Variants in TNFSF4 observed in about 807,000 individuals in gnomAD.
TNFSF4 encodes the protein TNF superfamily member 4, also known as tumor necrosis factor ligand superfamily member 4.
In TNFSF4, 4 loss-of-function variants were observed where a neutral mutation model predicts 7.3. That is an observed-to-expected ratio of 0.55 (90% CI 0.27 to 1.25). TNFSF4 has a LOEUF of 1.25. Among genes scored for constraint, TNFSF4 ranks in the 50% most tolerant of loss-of-function variants. TNFSF4 has a pLI of 0.12. For missense variants in TNFSF4, 181 were observed against 208.8 expected (o/e 0.87, Z 0.82); for synonymous variants, 76 against 83.7 (o/e 0.91, Z 0.50).
intron 1 of TNFSF4, among the ~76,000 whole-genome samples, chr1:173,202,268 A>G (rs1036680886): frequency 2.0e-5 from 3 of 152,078 alleles, no homozygotes; most frequent in Non-Finnish European, 4.4e-5. Context: ...GTGTGTGTAT[A>G]TTTGGATCTA....
At chr1:173,306,474 T>G in the TNFSF4 span, among the ~76,000 whole-genome samples, 1 of 151,948 alleles carries the variant, frequency 6.6e-6, no homozygotes, top group Non-Finnish European at 1.5e-5. Context: ...AAAGGTAATA[T>G]TTCACCATAC....
At chr1:173,335,064 C>T in the TNFSF4 span, among the ~76,000 whole-genome samples, 2 of 152,060 alleles carry the variant, frequency 1.3e-5, no homozygotes, top group Non-Finnish European at 2.9e-5. Flanking sequence ...TTTATTGATA[C>T]TAGCTCACTA....
chr1:173,396,177 T>G, the TNFSF4 span, among the ~76,000 whole-genome samples: 3 of 152,176 alleles, frequency 2.0e-5, no homozygotes, highest in African/African-American at 7.2e-5. Context: ...TTCTCATTTA[T>G]ACAGTCACAA....
the TNFSF4 span, among the ~76,000 whole-genome samples, chr1:173,378,949 G>A: frequency 6.6e-6 from 1 of 151,516 alleles, no homozygotes; most frequent in Non-Finnish European, 1.5e-5. Context: ...CCCATCCCGA[G>A]TACATGTCCC....
chr1:173,394,216 T>TAAAAAAAA, the TNFSF4 span, among the ~76,000 whole-genome samples: 255 of 112,570 alleles, frequency 2.3e-3, 3 homozygotes, highest in African/African-American at 8.8e-3. Flanking sequence ...ACTCCATCTT[T>TAAAAAAAA]AAAAAAAAAA....
At chr1:173,353,660 AAAG>A in the TNFSF4 span, among the ~76,000 whole-genome samples, 1 of 152,236 alleles carries the variant, frequency 6.6e-6, no homozygotes, top group Non-Finnish European at 1.5e-5. Context: ...CATGTTAGAC[AAAG>A]CAACTCTCTT....
the TNFSF4 span, among the ~76,000 whole-genome samples, chr1:173,427,337 G>C: frequency 1.3e-5 from 2 of 152,248 alleles, no homozygotes; most frequent in Admixed American, 1.3e-4. Flanking sequence ...TGTCACAACT[G>C]GGGAGTGGCT....
chr1:173,281,087 G>T, the TNFSF4 span, among the ~76,000 whole-genome samples: 3 of 152,084 alleles, frequency 2.0e-5, no homozygotes, highest in Admixed American at 6.6e-5. Flanking sequence ...ATCCTGTTGT[G>T]GTTCATAAGC....
the TNFSF4 span, among the ~76,000 whole-genome samples, chr1:173,296,032 A>T: frequency 3.3e-5 from 5 of 152,140 alleles, no homozygotes; most frequent in South Asian, 8.3e-4. Context: ...CATAATACAC[A>T]TTTTCCATGA....
At chr1:173,241,691 A>C in the TNFSF4 span, among the ~76,000 whole-genome samples, 1 of 152,220 alleles carries the variant, frequency 6.6e-6, no homozygotes, top group Non-Finnish European at 1.5e-5. Context: ...CCATGCCATG[A>C]GGGACCACAC....
At chr1:173,205,568 T>G in intron 1 of TNFSF4, 3 of 1,264,822 alleles carry the variant, frequency 2.4e-6, no homozygotes, top group Non-Finnish European at 3.0e-6. Context: ...TATCATCCCA[T>G]GGTGTAAGGA....
At chr1:173,389,714 A>G in the TNFSF4 span, among the ~76,000 whole-genome samples, 1 of 152,196 alleles carries the variant, frequency 6.6e-6, no homozygotes, top group East Asian at 1.9e-4. Context: ...TTCTTTATTC[A>G]TAAACTTTCT....
the TNFSF4 span, among the ~76,000 whole-genome samples, chr1:173,287,518 C>A: frequency 6.6e-6 from 1 of 152,096 alleles, no homozygotes; most frequent in Non-Finnish European, 1.5e-5. Context: ...TCAGTGATAT[C>A]TACTAAGGCA....
At chr1:173,333,645 G>A in the TNFSF4 span, among the ~76,000 whole-genome samples, 14 of 152,114 alleles carry the variant, frequency 9.2e-5, no homozygotes, top group Non-Finnish European at 1.6e-4. Context: ...ACAGCCAGAA[G>A]GCAGCTACCT....
chr1:173,194,131 C>A (rs1649596953), intron 1 of TNFSF4, among the ~76,000 whole-genome samples: 1 of 152,190 alleles, frequency 6.6e-6, no homozygotes, highest in South Asian at 2.1e-4. Flanking sequence ...TTCAACCACA[C>A]CCTGTGCAAA....
At chr1:173,342,044 T>A in the TNFSF4 span, among the ~76,000 whole-genome samples, 1 of 152,114 alleles carries the variant, frequency 6.6e-6, no homozygotes, top group South Asian at 2.1e-4. Flanking sequence ...TTTAGGGTGA[T>A]CTGATAAAGG....
chr1:173,230,165 T>C, the TNFSF4 span, among the ~76,000 whole-genome samples: 37 of 152,254 alleles, frequency 2.4e-4, no homozygotes, highest in Middle Eastern at 3.4e-3. Context: ...TATTCCAAAA[T>C]TGACCACGTA....
chr1:173,264,372 C>T, the TNFSF4 span, among the ~76,000 whole-genome samples: 5 of 138,148 alleles, frequency 3.6e-5, no homozygotes, highest in Non-Finnish European at 6.0e-5. Context: ...GTTGCTCAGG[C>T]TGGACTCAAA....
the TNFSF4 span, among the ~76,000 whole-genome samples, chr1:173,371,288 T>C: frequency 2.0e-5 from 3 of 152,232 alleles, no homozygotes; most frequent in Non-Finnish European, 4.4e-5. Flanking sequence ...TGACAGACTT[T>C]GCTTTTTTCA....
Sources: gnomAD v4.1 joint callset for allele counts (sites outside exome capture counted in the v4.1 genomes callset) on GRCh38, gnomAD v4.1.1 for gene constraint, MANE v1.5 for transcripts, NCBI Gene and HGNC (gene_info 2026-07-23, HGNC 2026-07-21) for gene names.